The following EPHA4 variants were observed in gnomAD, a reference collection of about 807,000 sequenced individuals.
EPHA4 encodes the protein EPH receptor A4, also known as ephrin type-A receptor 4.
Under a neutral mutation model 108.3 loss-of-function variants are expected in EPHA4, and 19 were observed. That is an observed-to-expected ratio of 0.18 (90% CI 0.12 to 0.26). The LOEUF (loss-of-function observed/expected upper bound fraction) is 0.26, where lower values mean the gene tolerates loss of function less well. EPHA4 is among the 10% of genes least tolerant of loss of function. The probability of loss-of-function intolerance (pLI) is 1.00; values close to 1 mark genes in which losing one functional copy is unlikely to be tolerated. For missense variants in EPHA4, 917 were observed against 1,254.0 expected (o/e 0.73, Z 4.06); for synonymous variants, 449 against 455.5 (o/e 0.99, Z 0.18).
intron 13 of EPHA4, 69 bp from the exon 14 acceptor site, chr2:221,434,360 T>C: frequency 4.6e-6 from 7 of 1,524,828 alleles, no homozygotes; most frequent in Non-Finnish European, 5.4e-6. Flanking sequence ...ATTCTGAATG[T>C]AGTTCCTGCT....
Position 221,497,363 on chromosome 2 carries a change from G to A in EPHA4, c.979+3654C>T, listed in dbSNP as rs116440808. Among the ~76,000 whole-genome samples the A allele has an allele frequency of 6.0e-3, 911 of 152,360 alleles. 7 individuals are homozygous for A. Among genetic ancestry groups the A allele is most frequent in the African/African-American group, 0.021 (858 of 41,586 alleles). ...ACAGCCAAGGCGATCCGATCAGCAA[G>A]TTGATGGCGTCGCCATCAGCACTTT... On this transcript the variant is annotated intron_variant, in intron 4 of 17. Transcript: ENST00000281821.
chr2:221,537,997 T>TA (rs1022464415), intron 3 of EPHA4, among the ~76,000 whole-genome samples: 15 of 151,672 alleles, frequency 9.9e-5, no homozygotes, highest in South Asian at 2.1e-4. Flanking sequence ...ATTTGTTTGC[T>TA]AAAAAAAAAG....
chr2:221,447,356 G>T (rs909693343), intron 8 of EPHA4, among the ~76,000 whole-genome samples: 1 of 152,178 alleles, frequency 6.6e-6, no homozygotes, highest in Non-Finnish European at 1.5e-5. Context: ...TCTTGGCAGT[G>T]TGGTCCTGTC....
intron 11 of EPHA4, among the ~76,000 whole-genome samples, chr2:221,437,731 G>A (rs919072570): frequency 2.1e-5 from 3 of 145,500 alleles, no homozygotes; most frequent in African/African-American, 7.8e-5. Flanking sequence ...GGCCAACATG[G>A]TGAAACCCCG....
At chr2:221,512,480 C>T (rs972082887) in intron 3 of EPHA4, among the ~76,000 whole-genome samples, 1 of 152,178 alleles carries the variant, frequency 6.6e-6, no homozygotes, top group Non-Finnish European at 1.5e-5. Context: ...AACTTGATTG[C>T]CCAGGACATT....
intron 5 of EPHA4, among the ~76,000 whole-genome samples, chr2:221,476,771 C>T (rs1446512200): frequency 6.6e-6 from 1 of 152,034 alleles, no homozygotes. Flanking sequence ...CTCCATTATC[C>T]CACTCAAATA....
At chr2:221,545,740 T>C (rs1212593760) in intron 3 of EPHA4, among the ~76,000 whole-genome samples, 1 of 152,128 alleles carries the variant, frequency 6.6e-6, no homozygotes, top group Non-Finnish European at 1.5e-5. Flanking sequence ...ATGGCCACTG[T>C]ATCCATTGGT....
chr2:221,553,237 T>G (rs562666378), intron 3 of EPHA4, among the ~76,000 whole-genome samples: 1 of 152,324 alleles, frequency 6.6e-6, no homozygotes, highest in South Asian at 2.1e-4. Context: ...ATAATTTGCT[T>G]GTAGTTTTCA....
chr2:221,493,302 G>A (rs1469132175), intron 4 of EPHA4, among the ~76,000 whole-genome samples: 1 of 152,026 alleles, frequency 6.6e-6, no homozygotes, highest in Non-Finnish European at 1.5e-5. Context: ...TCAAAGCCTC[G>A]CTCTAGACAT....
chr2:221,479,475 C>T (rs897422795), intron 5 of EPHA4, among the ~76,000 whole-genome samples: 5 of 152,210 alleles, frequency 3.3e-5, no homozygotes, highest in African/African-American at 1.2e-4. Context: ...TAAATGCTAA[C>T]GTTCATTAAT....
chr2:221,488,366 A>G (rs952602101), intron 4 of EPHA4, among the ~76,000 whole-genome samples: 2 of 152,196 alleles, frequency 1.3e-5, no homozygotes. Context: ...AGCCCAGGTG[A>G]CAACTCTGGC....
In EPHA4 at chr2:221,425,810, G is replaced by T. The variant is rs939623611; in HGVS notation, c.*218C>A. The T allele has an allele frequency of 5.6e-6, 3 of 534,880 alleles. No homozygotes were observed. The highest frequency in any genetic ancestry group is 1.0e-5 in the Non-Finnish European group (3 of 301,042). The allele number at this position is 534,880 out of a possible 1,614,324, so 33.1% of individuals were successfully genotyped here. A position where few individuals can be genotyped will look rare whatever the true frequency, so the allele number is the denominator to read the frequency against. ...GAACAGAAAAGTACTTCTGAGAAAC[G>T]ATTTGTTCCAGGTCTCATTCAAATG... is the stretch of plus-strand genomic sequence containing the variant. On this transcript the variant is annotated 3_prime_UTR_variant, in exon 17 of 18. Coordinates refer to ENST00000281821, the MANE Select transcript of EPHA4 (RefSeq NM_004438.5).
intron 3 of EPHA4, among the ~76,000 whole-genome samples, chr2:221,557,373 T>C (rs1229591822): frequency 6.6e-6 from 1 of 151,946 alleles, no homozygotes; most frequent in Non-Finnish European, 1.5e-5. Flanking sequence ...ATTGTCACCA[T>C]ATTTCTATCT....
intron 14 of EPHA4, among the ~76,000 whole-genome samples, chr2:221,432,258 A>G (rs1385912432): frequency 6.6e-6 from 1 of 152,162 alleles, no homozygotes; most frequent in Non-Finnish European, 1.5e-5. Flanking sequence ...ACATTTGGCC[A>G]TGATTTCAAC....
intron 4 of EPHA4, among the ~76,000 whole-genome samples, chr2:221,493,980 T>A (rs1312816439): frequency 6.6e-6 from 1 of 152,200 alleles, no homozygotes; most frequent in East Asian, 1.9e-4. Flanking sequence ...TCTTTGTTTG[T>A]TTGGCACATT....
intron 3 of EPHA4, among the ~76,000 whole-genome samples, chr2:221,531,193 C>T (rs1247267397): frequency 1.3e-5 from 2 of 152,176 alleles, no homozygotes; most frequent in Admixed American, 1.3e-4. Flanking sequence ...TAAACTTTCT[C>T]TCTAAGGTAA....
At chr2:221,505,056 T>C (rs13035425) in intron 3 of EPHA4, among the ~76,000 whole-genome samples, 42,075 of 151,866 alleles carry the variant, frequency 0.28, 6,941 homozygotes, top group East Asian at 0.49. Flanking sequence ...CACACTTTGC[T>C]CTCTGTGACC....
At chr2:221,448,428 G>A (rs1183280262) in intron 8 of EPHA4, among the ~76,000 whole-genome samples, 1 of 152,170 alleles carries the variant, frequency 6.6e-6, no homozygotes, top group Non-Finnish European at 1.5e-5. Context: ...TTCACTTAAA[G>A]TGAATTCAAT....
At chr2:221,483,574 G>T (rs573086390) in intron 4 of EPHA4, among the ~76,000 whole-genome samples, 2 of 151,506 alleles carry the variant, frequency 1.3e-5, no homozygotes, top group Admixed American at 1.3e-4. Flanking sequence ...GGAGTGCAGT[G>T]GTGTGATCTC....
Sources: gnomAD v4.1 joint callset for allele counts (sites outside exome capture counted in the v4.1 genomes callset) on GRCh38, gnomAD v4.1.1 for gene constraint, MANE v1.5 for transcripts, NCBI Gene and HGNC (gene_info 2026-07-23, HGNC 2026-07-21) for gene names.